The following UNC80 variants were observed in gnomAD, a reference collection of about 807,000 sequenced individuals.
The protein encoded by UNC80 is protein unc-80 homolog.
UNC80 carries 164 observed loss-of-function variants against 384.6 expected under a neutral mutation model. The observed-to-expected ratio is 0.43, with a 90% CI of 0.38 to 0.49. The LOEUF is 0.49. UNC80 is among the 20% of genes least tolerant of loss of function. The pLI, the probability that UNC80 is intolerant of heterozygous loss-of-function variation, is 0.00. For synonymous variants in UNC80, 1,486 were observed against 1,527.8 expected (o/e 0.97, Z 0.64); for missense variants, 3,330 against 4,143.0 (o/e 0.80, Z 5.39).
chr2:209,823,284 A>G (rs2080269372), intron 13 of UNC80, among the ~76,000 whole-genome samples: 1 of 152,228 alleles, frequency 6.6e-6, no homozygotes, highest in South Asian at 2.1e-4. Flanking sequence ...AAAGAAATAA[A>G]AACCTGAATA....
rs1219704486 is a variant in UNC80, at chr2:209,957,725, G to A, written c.7539G>A (p.Gly2513=). The A allele has an allele frequency of 6.4e-6, 10 of 1,551,342 alleles. No homozygotes were observed. The highest frequency in any genetic ancestry group is 1.2e-5 in the South Asian group (1 of 84,046). ...TTTANHTMSS[G]VNTRYQEQGA... ...CAGCCAATCACACCATGTCGTCTGG[G>A]GTGAACACCAGGTAATTCACTGCGC... The change falls in exon 49 of 65, where the codon GGG becomes GGA. Residue 2513 remains glycine, a synonymous_variant. Coordinates refer to ENST00000673920, the MANE Select transcript of UNC80 (RefSeq NM_001371986.1).
chr2:209,973,715 A>G (rs2092940275), intron 56 of UNC80, among the ~76,000 whole-genome samples: 1 of 152,228 alleles, frequency 6.6e-6, no homozygotes, highest in Non-Finnish European at 1.5e-5. Flanking sequence ...AAGACACAGC[A>G]TTGCACAACA....
chr2:209,907,324 C>T (rs1235809067), intron 29 of UNC80, among the ~76,000 whole-genome samples: 3 of 150,898 alleles, frequency 2.0e-5, no homozygotes, highest in Non-Finnish European at 4.4e-5. Flanking sequence ...CAGTTTGTAC[C>T]CCCATATACT....
intron 49 of UNC80, 89 bp downstream of exon 49, chr2:209,957,825 A>G (rs2124999530): frequency 8.3e-7 from 1 of 1,210,870 alleles, no homozygotes; most frequent in South Asian, 1.5e-5. Flanking sequence ...CCCTGAACAT[A>G]GTCAATATTG....
chr2:209,812,632 T>G (rs1574553434), intron 7 of UNC80, among the ~76,000 whole-genome samples: 1 of 152,196 alleles, frequency 6.6e-6, no homozygotes, highest in South Asian at 2.1e-4. Flanking sequence ...TAAGTTTAGA[T>G]TTTAGATTTA....
At chr2:209,861,808 A>G (rs952340745) in intron 22 of UNC80, among the ~76,000 whole-genome samples, 3 of 152,120 alleles carry the variant, frequency 2.0e-5, no homozygotes, top group African/African-American at 7.2e-5. Flanking sequence ...TAGATTTTCT[A>G]GTTTATTTGC....
At chr2:209,824,827 C>T (rs2080394241) in intron 13 of UNC80, among the ~76,000 whole-genome samples, 1 of 152,172 alleles carries the variant, frequency 6.6e-6, no homozygotes, top group African/African-American at 2.4e-5. Context: ...ATACCATGCG[C>T]ACATTTGAGT....
At chr2:209,808,329 G>A (rs2153826827) in intron 7 of UNC80, among the ~76,000 whole-genome samples, 1 of 152,148 alleles carries the variant, frequency 6.6e-6, no homozygotes, top group South Asian at 2.1e-4. Context: ...TTGGGAAGCC[G>A]AGGCGAGTGG....
At chr2:209,920,809 C>T (rs1281387190) in intron 33 of UNC80, among the ~76,000 whole-genome samples, 4 of 151,888 alleles carry the variant, frequency 2.6e-5, no homozygotes, top group African/African-American at 7.3e-5. Context: ...ATTTTATTAA[C>T]CTTATGAAAT....
At chr2:209,812,607 A>G (rs1559130867) in intron 7 of UNC80, among the ~76,000 whole-genome samples, 1 of 152,168 alleles carries the variant, frequency 6.6e-6, no homozygotes, top group African/African-American at 2.4e-5. Flanking sequence ...TCAGAAGGAA[A>G]TTGTGCTTGG....
In UNC80 at chr2:209,922,191, G is replaced by C; in HGVS notation, c.5531-61G>C. The stretch of plus-strand genomic sequence containing the variant: ...TATGCATTTGTGATACAACAACAAT[G>C]TGATAATAATAACTCTTTTGTTATA... On this transcript the variant is annotated intron_variant, in intron 34 of 64. Coordinates refer to ENST00000673920, the MANE Select transcript of UNC80 (RefSeq NM_001371986.1). 5.9e-6 allele frequency: 9 copies of C among 1,532,390 alleles called. No individual in the cohort carries two copies. In the South Asian group the frequency reaches 1.1e-4, roughly 19 times the overall value. The allele number at this position is 1,532,390 out of a possible 1,614,324, so 94.9% of individuals were successfully genotyped here. A position where few individuals can be genotyped will look rare whatever the true frequency, so the allele number is the denominator to read the frequency against.
At position 209,872,788 on chromosome 2, in the gene UNC80, T is replaced by C; in HGVS notation, c.3658T>C (p.Phe1220Leu). Reference sequence around the variant, plus strand: ...CCCTGTGGTGGCCAGAGCAGCCTTGTTCCTGGAATGTGCTCGTTTTGTTCA... The same window carrying C: ...CCCTGTGGTGGCCAGAGCAGCCTTGCTCCTGGAATGTGCTCGTTTTGTTCA... ...EAPVVARAAL[F>L]LECARFVHRC... The change falls in exon 23 of 65, where the codon TTC (phenylalanine) becomes CTC (leucine). Residue 1220 changes from phenylalanine (F) to leucine (L), a missense_variant. Coordinates refer to ENST00000673920, the MANE Select transcript of UNC80 (RefSeq NM_001371986.1). The surrounding 1 kb of genome is among the most constrained non-coding windows in gnomAD (Gnocchi z 4.1). 6.4e-7 allele frequency: 1 copy of C among 1,551,496 alleles called. No homozygotes were observed. The highest frequency in any genetic ancestry group is 8.7e-7 in the Non-Finnish European group (1 of 1,146,828).
chr2:209,811,264 C>G (rs1190523606), intron 7 of UNC80, among the ~76,000 whole-genome samples: 1 of 152,082 alleles, frequency 6.6e-6, no homozygotes, highest in Admixed American at 6.5e-5. Flanking sequence ...AACTGGCACA[C>G]CAGGGCAAGC....
At position 209,813,917 on chromosome 2, in the gene UNC80, A is replaced by T. The variant is rs1315479650; in HGVS notation, c.1200+76A>T. On this transcript the variant is annotated intron_variant, in intron 8 of 64. Transcript: ENST00000673920. Reference sequence around the variant, plus strand: ...GGATTCTTTTTTTCTCTGTGCATCCAGCTCTTAGGTACTCTAGTGCTGACT... The same window carrying T: ...GGATTCTTTTTTTCTCTGTGCATCCTGCTCTTAGGTACTCTAGTGCTGACT... 1.6e-5 allele frequency: 24 copies of T among 1,498,138 alleles called. No individual in the cohort carries two copies. In the East Asian group the frequency reaches 5.9e-4, roughly 37 times the overall value. The allele number at this position is 1,498,138 out of a possible 1,614,324, so 92.8% of individuals were successfully genotyped here.
chr2:209,940,734 A>G (rs1366665454), intron 43 of UNC80, among the ~76,000 whole-genome samples: 2 of 152,124 alleles, frequency 1.3e-5, no homozygotes, highest in East Asian at 3.9e-4. Context: ...TGAGAATCAC[A>G]TGAACCCAGG....
At chr2:209,808,862 G>A in intron 7 of UNC80, 1 of 281,620 alleles carries the variant, frequency 3.6e-6, no homozygotes, top group Non-Finnish European at 6.9e-6. Flanking sequence ...CCCAACTACA[G>A]CAAACTGCCG....
At chr2:209,804,756 TTTTTTTGTTTTGTTTTG>T (rs146059399) in intron 7 of UNC80, among the ~76,000 whole-genome samples, 60,686 of 143,200 alleles carry the variant, frequency 0.42, 12,367 homozygotes, top group African/African-American at 0.54. Context: ...TAGAGAGTTT[TTTTTTTGTTTTGTTTTG>T]TTTTTTTTTT....
chr2:209,866,490 C>CCCCA lies in UNC80; in HGVS notation c.3628-6267_3628-6266insCCAC, dbSNP rs1420955284. On this transcript the variant is annotated intron_variant, in intron 22 of 64. Coordinates refer to ENST00000673920, the MANE Select transcript of UNC80 (RefSeq NM_001371986.1). ...ACATTCCATAATACAAAATGCACCC[C>CCCCA]CACACACACACACACACACACACAC... 8.0e-3 allele frequency among the ~76,000 whole-genome samples: 859 copies of CCCCA among 107,152 alleles called. 12 individuals are homozygous for CCCCA. The highest frequency in any genetic ancestry group is 0.039 in the Admixed American group (377 of 9,548). The allele number at this position is 107,152 out of a possible 152,430, so 70.3% of individuals were successfully genotyped here. A position where few individuals can be genotyped will look rare whatever the true frequency, so the allele number is the denominator to read the frequency against.
chr2:209,785,963 C>A, intron 4 of UNC80, 103 bp from the exon 5 acceptor site: 1 of 1,319,258 alleles, frequency 7.6e-7, no homozygotes, highest in Non-Finnish European at 1.0e-6. Context: ...TAAATTCACT[C>A]TGAAAATAAC....
Sources: allele counts gnomAD v4.1 joint callset (sites outside exome capture counted in the v4.1 genomes callset), GRCh38; gene constraint gnomAD v4.1.1; non-coding constraint Gnocchi (gnomAD v3.1); transcripts MANE v1.5; gene names NCBI Gene and HGNC (gene_info 2026-07-23, HGNC 2026-07-21).